Variants in MTUS1 observed in about 807,000 individuals in gnomAD.
MTUS1 encodes the protein microtubule associated scaffold protein 1.
MTUS1 carries 109 observed loss-of-function variants against 120.8 expected under a neutral mutation model. That is an observed-to-expected ratio of 0.90 (90% CI 0.77 to 1.06). MTUS1 has a LOEUF of 1.06. MTUS1 is among the 50% of genes least tolerant of loss of function. MTUS1 has a pLI of 0.00. For synonymous variants in MTUS1, 737 were observed against 550.5 expected (o/e 1.34, Z -4.74); for missense variants, 2,210 against 1,486.3 (o/e 1.49, Z -8.01).
intron 2 of MTUS1, among the ~76,000 whole-genome samples, chr8:17,748,662 T>C (rs1363447057): frequency 1.3e-5 from 2 of 152,136 alleles, no homozygotes; most frequent in African/African-American, 4.8e-5. Flanking sequence ...CTGCCGGTGC[T>C]CAAAGTGGCT....
intron 1 of MTUS1, among the ~76,000 whole-genome samples, chr8:17,759,029 C>A (rs1176265256): frequency 6.6e-6 from 1 of 150,780 alleles, no homozygotes; most frequent in African/African-American, 2.4e-5. Context: ...TTACAGGCGC[C>A]CGCCACCATG....
intron 4 of MTUS1, chr8:17,716,556 G>C (rs868132545): frequency 1.9e-5 from 3 of 159,912 alleles, no homozygotes; most frequent in South Asian, 1.9e-4. Context: ...CTGTTTGTTT[G>C]TTTGTTTGTT....
chr8:17,657,338 G>T (rs941872951), intron 8 of MTUS1, among the ~76,000 whole-genome samples: 1 of 151,590 alleles, frequency 6.6e-6, no homozygotes, highest in African/African-American at 2.4e-5. Context: ...GGAGGCCGAG[G>T]CGGGCGGATC....
At chr8:17,679,428 A>T (rs1030707355) in intron 7 of MTUS1, among the ~76,000 whole-genome samples, 1 of 151,982 alleles carries the variant, frequency 6.6e-6, no homozygotes, top group Non-Finnish European at 1.5e-5. Flanking sequence ...CTAAAAGGTT[A>T]AGGGAGTTTT....
intron 1 of MTUS1, among the ~76,000 whole-genome samples, chr8:17,766,069 G>C (rs947335059): frequency 6.6e-6 from 1 of 152,100 alleles, no homozygotes; most frequent in Non-Finnish European, 1.5e-5. Flanking sequence ...AAATAAAAAA[G>C]CTTAATTGTC....
chr8:17,658,018 T>TAGAC (rs1329886904), intron 8 of MTUS1, among the ~76,000 whole-genome samples: 6 of 63,644 alleles, frequency 9.4e-5, no homozygotes, highest in African/African-American at 2.9e-4. Context: ...ATACACTATA[T>TAGAC]ATATAGACAC....
At chr8:17,709,938 C>A (rs112229428) in intron 6 of MTUS1, among the ~76,000 whole-genome samples, 10 of 151,570 alleles carry the variant, frequency 6.6e-5, no homozygotes, top group African/African-American at 2.4e-4. Context: ...ACCCGGGAGG[C>A]AGAGCTTGCA....
chr8:17,736,445 C>T (rs1353707511), intron 3 of MTUS1, among the ~76,000 whole-genome samples: 1 of 152,188 alleles, frequency 6.6e-6, no homozygotes, highest in Admixed American at 6.5e-5. Flanking sequence ...CTGGAAAGTC[C>T]TCCCGCCTGA....
Position 17,729,476 on chromosome 8 carries a change from A to G in MTUS1, c.2288-5643T>C, listed in dbSNP as rs140252701. Among the ~76,000 whole-genome samples, 892 of 152,348 alleles carry G rather than the reference A, an allele frequency of 5.9e-3. 9 individuals are homozygous for G. Among genetic ancestry groups the G allele is most frequent in the African/African-American group, 0.019 (799 of 41,574 alleles). ...TTCCTATGTGCCAGGAAAAAACAGA[A>G]AAAGAAATCCCTTACTTTGGTAACA... On this transcript the variant is annotated intron_variant, in intron 3 of 14. Transcript: ENST00000693296.
Position 17,754,543 on chromosome 8 carries a change from G to C in MTUS1, c.1265C>G (p.Thr422Arg). Reference sequence around the variant, plus strand: ...TGTTGACATGCACATCGTTTTGTCTGTGCTAATGACCATATCATTTGCATC... The same window carrying C: ...TGTTGACATGCACATCGTTTTGTCTCTGCTAATGACCATATCATTTGCATC... ...TWDANDMVISTDKTMCMSTPV... is the reference protein window; with the variant it reads ...TWDANDMVISRDKTMCMSTPV... The change falls in exon 2 of 15, where the codon ACA becomes AGA. Residue 422 changes from threonine (T) to arginine (R), a missense_variant. By Grantham distance (71) the Thr-to-Arg change is moderately conservative. Transcript: ENST00000693296. 1.2e-6 allele frequency: 2 copies of C among 1,614,190 alleles called. No individual in the cohort carries two copies. Among genetic ancestry groups the C allele is most frequent in the Admixed American group, 1.7e-5 (1 of 60,024 alleles).
Position 17,755,311 on chromosome 8 carries a change from T to C in MTUS1, c.497A>G (p.Asp166Gly), listed in dbSNP as rs1330768775. The C allele has an allele frequency of 1.2e-6, 2 of 1,614,212 alleles. No individual in the cohort carries two copies. Among genetic ancestry groups the C allele is most frequent in the Admixed American group, 1.7e-5 (1 of 60,030 alleles). ...TGATATAAAGGTGCAGTTAACTTTA[T>C]CCACTGTCATGTCAAATGTTTGGTT... ...ELNQTFDMTV[D>G]KVNCTFISHH... Residue 166 changes from aspartate (D) to glycine (G), a missense_variant, in exon 2 of 15, where the codon GAT (aspartate) becomes GGT (glycine). Asp to Gly is a moderately conservative substitution (Grantham distance 94). Coordinates refer to ENST00000693296, the MANE Select transcript of MTUS1 (RefSeq NM_001363059.2).
At chr8:17,648,821 G>A (rs1472295928) in intron 13 of MTUS1, among the ~76,000 whole-genome samples, 2 of 152,238 alleles carry the variant, frequency 1.3e-5, no homozygotes, top group Non-Finnish European at 2.9e-5. Context: ...ACTGTGGGGA[G>A]AAGAGGCCAG....
At chr8:17,648,922 A>C (rs1806396370) in intron 13 of MTUS1, among the ~76,000 whole-genome samples, 1 of 152,234 alleles carries the variant, frequency 6.6e-6, no homozygotes, top group Non-Finnish European at 1.5e-5. Flanking sequence ...ACTTGGTTAG[A>C]GTCCTGGCTG....
At chr8:17,794,720 A>G (rs2052079194) in intron 1 of MTUS1, among the ~76,000 whole-genome samples, 1 of 152,252 alleles carries the variant, frequency 6.6e-6, no homozygotes, top group South Asian at 2.1e-4. Context: ...AGCAGTTTAC[A>G]GTATAATAAA....
intron 6 of MTUS1, among the ~76,000 whole-genome samples, chr8:17,686,777 A>G (rs1421105655): frequency 1.3e-5 from 2 of 152,242 alleles, no homozygotes; most frequent in Non-Finnish European, 2.9e-5. Context: ...ATCACAGAAT[A>G]CATGTAATTG....
chr8:17,706,586 C>T (rs73200196), intron 6 of MTUS1, among the ~76,000 whole-genome samples: 6,478 of 152,116 alleles, frequency 0.043, 160 homozygotes, highest in Middle Eastern at 0.065. Flanking sequence ...ATGTCAACCA[C>T]GGTATAAAAT....
At chr8:17,740,936 G>A (rs2047274117) in intron 3 of MTUS1, among the ~76,000 whole-genome samples, 1 of 152,110 alleles carries the variant, frequency 6.6e-6, no homozygotes. Context: ...TGCTATCTCG[G>A]CTCACTGCAA....
intron 6 of MTUS1, among the ~76,000 whole-genome samples, chr8:17,701,463 C>T (rs771178436): frequency 6.6e-6 from 1 of 152,008 alleles, no homozygotes; most frequent in Non-Finnish European, 1.5e-5. Flanking sequence ...TTGCAATAAG[C>T]AAAATAAGAG....
chr8:17,737,167 G>A (rs532671389), intron 3 of MTUS1, among the ~76,000 whole-genome samples: 1 of 152,236 alleles, frequency 6.6e-6, no homozygotes, highest in South Asian at 2.1e-4. Flanking sequence ...ACAGACTGTG[G>A]GGCCAGAACA....
Sources: gnomAD v4.1 joint callset for allele counts (sites outside exome capture counted in the v4.1 genomes callset) on GRCh38, gnomAD v4.1.1 for gene constraint, MANE v1.5 for transcripts, NCBI Gene and HGNC (gene_info 2026-07-23, HGNC 2026-07-21) for gene names.